TF: variants seen among roughly 807,000 people sequenced by gnomAD.
The protein encoded by TF is serotransferrin.
Under a neutral mutation model 82.4 loss-of-function variants are expected in TF, and 55 were observed. The ratio of observed to expected loss-of-function variants is 0.67; its 90% confidence interval spans 0.54 to 0.84. TF has a LOEUF of 0.84. Among genes scored for constraint, TF ranks in the 40% least tolerant of loss-of-function variants. The pLI, the probability that TF is intolerant of heterozygous loss-of-function variation, is 0.00. For synonymous variants in TF, 332 were observed against 332.6 expected, an observed-to-expected ratio of 1.00 and a Z score of 0.02; for missense variants, 737 against 868.4, an observed-to-expected ratio of 0.85 and a Z score of 1.90.
chr3:133,721,695 A>G, the TF span, among the ~76,000 whole-genome samples: 2 of 152,134 alleles, frequency 1.3e-5, no homozygotes, highest in East Asian at 1.9e-4. Context: ...GAAGTCCTCT[A>G]TTATCACTGT....
chr3:133,722,056 A>AT, the TF span, among the ~76,000 whole-genome samples: 1 of 151,712 alleles, frequency 6.6e-6, no homozygotes, highest in African/African-American at 2.4e-5. Flanking sequence ...ATTTTTTTGT[A>AT]TTTTTTGTGG....
chr3:133,772,512 C>T (rs1362819413), intron 14 of TF, among the ~76,000 whole-genome samples: 3 of 152,148 alleles, frequency 2.0e-5, no homozygotes, highest in Non-Finnish European at 4.4e-5. Flanking sequence ...TATTTTTTTA[C>T]GTGTGTATAT....
the TF span, among the ~76,000 whole-genome samples, chr3:133,707,959 G>T: frequency 1.3e-5 from 2 of 152,094 alleles, no homozygotes; most frequent in African/African-American, 4.8e-5. Context: ...TTGGGAAAGA[G>T]AAAAGAGATT....
At chr3:133,768,429 T>A (rs1386877208) in intron 13 of TF, among the ~76,000 whole-genome samples, 4 of 152,188 alleles carry the variant, frequency 2.6e-5, no homozygotes, top group African/African-American at 9.7e-5. Context: ...CACGGGACAT[T>A]TGGCAATGTT....
At chr3:133,706,309 C>T in the TF span, among the ~76,000 whole-genome samples, 2 of 152,184 alleles carry the variant, frequency 1.3e-5, no homozygotes, top group African/African-American at 2.4e-5. Flanking sequence ...CACCTTTCAG[C>T]TTTTAGCCAG....
At chr3:133,679,569 C>CTTTTTTTTTTTTTTTTTTTT in the TF span, among the ~76,000 whole-genome samples, 1 of 75,382 alleles carries the variant, frequency 1.3e-5, no homozygotes, top group East Asian at 4.5e-4. Flanking sequence ...CTTTGTTTGG[C>CTTTTTTTTTTTTTTTTTTTT]TTTTTTTTTT....
chr3:133,683,273 A>G, the TF span, among the ~76,000 whole-genome samples: 2 of 152,152 alleles, frequency 1.3e-5, no homozygotes, highest in East Asian at 1.9e-4. Flanking sequence ...AGACCATCAA[A>G]GCTAGGAAGA....
At chr3:133,695,650 C>G in the TF span, among the ~76,000 whole-genome samples, 1 of 152,188 alleles carries the variant, frequency 6.6e-6, no homozygotes, top group African/African-American at 2.4e-5. Context: ...ATTAATGCCA[C>G]AGGAGAGTTT....
chr3:133,682,840 T>A, the TF span, among the ~76,000 whole-genome samples: 1 of 152,072 alleles, frequency 6.6e-6, no homozygotes, highest in African/African-American at 2.4e-5. Flanking sequence ...ACATTCAAAT[T>A]CAGGAAATAC....
At chr3:133,760,655 T>G (rs8177247) in intron 9 of TF, 47,440 of 152,340 alleles carry the variant, frequency 0.31, 7,797 homozygotes, top group East Asian at 0.43. Context: ...CAACCAAATG[T>G]AAACATATTT....
At chr3:133,681,875 G>A in the TF span, among the ~76,000 whole-genome samples, 2 of 152,202 alleles carry the variant, frequency 1.3e-5, no homozygotes, top group Admixed American at 1.3e-4. Context: ...CATGGAGTTT[G>A]AGATCTGAGA....
At chr3:133,705,119 A>T in the TF span, among the ~76,000 whole-genome samples, 1 of 152,182 alleles carries the variant, frequency 6.6e-6, no homozygotes, top group African/African-American at 2.4e-5. Flanking sequence ...TACTAAAAAT[A>T]CAAAAATTAG....
Position 133,777,216 on chromosome 3 carries a change from C to T in TF, c.2040C>T (p.Asn680=). 6.2e-7 allele frequency: 1 copy of T among 1,613,280 alleles called. No individual in the cohort carries two copies. Among genetic ancestry groups the T allele is most frequent in the Non-Finnish European group, 8.5e-7 (1 of 1,179,988 alleles). ...LGEEYVKAVG[N]LRKCSTSSLL... ...AAGAATATGTCAAGGCTGTTGGTAA[C>T]CTGAGAAAATGCTCCACCTCATGTG... The change falls in exon 16 of 17, where the codon AAC becomes AAT. Residue 680 remains asparagine (N), a synonymous_variant. Coordinates refer to ENST00000402696, the MANE Select transcript of TF (RefSeq NM_001063.4).
At chr3:133,717,981 A>G in the TF span, among the ~76,000 whole-genome samples, 4 of 152,114 alleles carry the variant, frequency 2.6e-5, no homozygotes, top group Non-Finnish European at 5.9e-5. Context: ...GAGAGACCCA[A>G]TAAAATATAT....
the TF span, among the ~76,000 whole-genome samples, chr3:133,706,749 T>C: frequency 6.6e-6 from 1 of 152,210 alleles, no homozygotes; most frequent in Non-Finnish European, 1.5e-5. Flanking sequence ...CTGTGGTCTC[T>C]GTCCCCTGCT....
Position 133,795,666 on chromosome 3 carries a change from C to T in TF, c.*17046C>T, listed in dbSNP as rs1189184757. 6.7e-6 allele frequency: 1 copy of T among 149,544 alleles called. No homozygotes were observed. Among genetic ancestry groups the T allele is most frequent in the Non-Finnish European group, 1.5e-5 (1 of 67,782 alleles). The allele number at this position is 149,544 out of a possible 1,614,324, so 9.3% of individuals were successfully genotyped here. ...TCTCGGCTCACTGCAAGCTCCACTTCCCGGGTTCACGCCATTTTTCTGTCT... is the reference window on the plus strand; with the variant it reads ...TCTCGGCTCACTGCAAGCTCCACTTTCCGGGTTCACGCCATTTTTCTGTCT... On this transcript the variant is annotated 3_prime_UTR_variant, in exon 17 of 17. Transcript: ENST00000402696.
At chr3:133,675,634 T>G in the TF span, among the ~76,000 whole-genome samples, 56,869 of 151,998 alleles carry the variant, frequency 0.37, 11,776 homozygotes, top group South Asian at 0.52. Flanking sequence ...ACAGGTAAAA[T>G]TAGCCTTCGA....
rs8649 is a variant in TF, at chr3:133,768,114, G to C, written c.1572G>C (p.Leu524=). The part of the protein sequence containing the change: ...CKLCMGSGLN[L]CEPNNKEGYY... The stretch of plus-strand genomic sequence containing the variant: ...TGTGTATGGGCTCAGGCCTAAACCT[G>C]TGTGAACCCAACAACAAAGAGGGAT... The change falls in exon 13 of 17, where the codon CTG becomes CTC. Residue 524 remains leucine (L), a synonymous_variant. Coordinates refer to ENST00000402696, the MANE Select transcript of TF (RefSeq NM_001063.4). The C allele has an allele frequency of 0.24, 395,066 of 1,613,778 alleles. 50,611 individuals are homozygous for C. The highest frequency in any genetic ancestry group is 0.31 in the African/African-American group (23,431 of 74,928).
the TF span, among the ~76,000 whole-genome samples, chr3:133,686,630 A>G: frequency 2.0e-5 from 3 of 152,244 alleles, no homozygotes; most frequent in Non-Finnish European, 4.4e-5. Context: ...AGAGAAATGC[A>G]AATCAAAACC....
Sources: gnomAD v4.1 joint callset for allele counts (sites outside exome capture counted in the v4.1 genomes callset) on GRCh38, gnomAD v4.1.1 for gene constraint, MANE v1.5 for transcripts, NCBI Gene and HGNC (gene_info 2026-07-23, HGNC 2026-07-21) for gene names.